The following GBE1 variants were observed in gnomAD, a reference collection of about 807,000 sequenced individuals.
The protein encoded by GBE1 is 1,4-alpha-glucan-branching enzyme.
Under a neutral mutation model 88.8 loss-of-function variants are expected in GBE1, and 70 were observed. The observed-to-expected ratio is 0.79, with a 90% CI of 0.65 to 0.96. The LOEUF (loss-of-function observed/expected upper bound fraction) is 0.96. GBE1 is among the 40% of genes least tolerant of loss of function. The pLI, the probability that GBE1 is intolerant of heterozygous loss-of-function variation, is 0.00. For missense variants in GBE1, 872 were observed against 871.0 expected (o/e 1.00, Z -0.01); for synonymous variants, 284 against 300.1 (o/e 0.95, Z 0.56).
At chr3:81,749,790 A>G (rs1382638718) in intron 1 of GBE1, among the ~76,000 whole-genome samples, 1 of 152,144 alleles carries the variant, frequency 6.6e-6, no homozygotes, top group East Asian at 1.9e-4. Flanking sequence ...ATTATTTCAG[A>G]ATGATTTTTT....
chr3:81,590,480 T>A (rs1257335006), intron 9 of GBE1, among the ~76,000 whole-genome samples: 1 of 152,080 alleles, frequency 6.6e-6, no homozygotes, highest in African/African-American at 2.4e-5. Context: ...GAATTGTCAA[T>A]TATGCATATA....
At chr3:81,559,958 C>T (rs980941681) in intron 12 of GBE1, among the ~76,000 whole-genome samples, 2 of 151,894 alleles carry the variant, frequency 1.3e-5, no homozygotes, top group Non-Finnish European at 2.9e-5. Context: ...AGTCCATACA[C>T]AAAGGATTTT....
chr3:81,603,785 C>T (rs539186761), intron 7 of GBE1, among the ~76,000 whole-genome samples: 1 of 152,166 alleles, frequency 6.6e-6, no homozygotes, highest in South Asian at 2.1e-4. Context: ...CATGAGCCAC[C>T]ATGCCCAGCC....
In GBE1 at chr3:81,670,925, G is replaced by A. The variant is rs13320194; in HGVS notation, c.342C>T (p.Tyr114=). 0.037 allele frequency: 58,397 copies of A among 1,565,734 alleles called. 2,783 individuals carry two copies. The highest frequency in any genetic ancestry group is 0.22 in the African/African-American group (16,009 of 72,234). ...CCCATTTTCCATAATCCAGTTTTTT[G>A]TATGGGTACGAAAATGGATTCCAAC... is the stretch of plus-strand genomic sequence containing the variant. ...FNGWNPFSYP[Y]KKLDYGKWEL... The change falls in exon 3 of 16, where the codon TAC becomes TAT. Residue 114 remains tyrosine (Y), a synonymous_variant. Transcript: ENST00000429644.
At position 81,616,368 on chromosome 3, in the gene GBE1, T is replaced by C. The variant is rs570869618; in HGVS notation, c.993-22345A>G. Reference sequence around the variant, plus strand: ...TTACGTGTTAATCTATAATCTATTTTAGTAAACTTTTGCATAAGGTAGAAA... The same window carrying C: ...TTACGTGTTAATCTATAATCTATTTCAGTAAACTTTTGCATAAGGTAGAAA... On this transcript the variant is annotated intron_variant, in intron 7 of 15. Transcript: ENST00000429644. Among the ~76,000 whole-genome samples, 182 of 152,304 alleles carry C rather than the reference T, an allele frequency of 1.2e-3. 3 individuals carry two copies. In the South Asian group the frequency reaches 0.016, roughly 14 times the overall value.
chr3:81,656,182 T>C (rs1253955418), intron 3 of GBE1, among the ~76,000 whole-genome samples: 2 of 152,176 alleles, frequency 1.3e-5, no homozygotes, highest in Non-Finnish European at 2.9e-5. Flanking sequence ...CTGTGAATGA[T>C]ACCTTCTGTG....
At chr3:81,540,085 T>C (rs921503783) in intron 12 of GBE1, among the ~76,000 whole-genome samples, 2 of 151,790 alleles carry the variant, frequency 1.3e-5, no homozygotes, top group Non-Finnish European at 2.9e-5. Flanking sequence ...GAAGAAAACA[T>C]AGAAGGCTAA....
At chr3:81,634,039 C>A (rs1362554280) in intron 7 of GBE1, among the ~76,000 whole-genome samples, 1 of 152,162 alleles carries the variant, frequency 6.6e-6, no homozygotes, top group African/African-American at 2.4e-5. Flanking sequence ...ACGAAAGCAA[C>A]TGACAATTGT....
chr3:81,698,259 T>TAC (rs1003653813), intron 2 of GBE1, among the ~76,000 whole-genome samples: 5 of 151,394 alleles, frequency 3.3e-5, no homozygotes, highest in African/African-American at 9.7e-5. Context: ...AGTAATAAAG[T>TAC]ACACACACAC....
intron 12 of GBE1, among the ~76,000 whole-genome samples, chr3:81,556,399 T>G (rs1335757261): frequency 6.6e-6 from 1 of 152,030 alleles, no homozygotes; most frequent in Non-Finnish European, 1.5e-5. Context: ...CAACAGTTAT[T>G]GGAGTCCCTC....
chr3:81,692,628 A>G (rs1705538133), intron 2 of GBE1, among the ~76,000 whole-genome samples: 2 of 152,234 alleles, frequency 1.3e-5, no homozygotes, highest in Admixed American at 1.3e-4. Context: ...AAATAGTTTC[A>G]GAAACTTTCT....
intron 14 of GBE1, among the ~76,000 whole-genome samples, chr3:81,510,333 G>A (rs1702707977): frequency 6.6e-6 from 1 of 152,006 alleles, no homozygotes; most frequent in South Asian, 2.1e-4. Flanking sequence ...TTTATTTGAA[G>A]TCTTAACTTA....
At chr3:81,565,457 T>G (rs1401657106) in intron 12 of GBE1, among the ~76,000 whole-genome samples, 1 of 152,152 alleles carries the variant, frequency 6.6e-6, no homozygotes, top group Non-Finnish European at 1.5e-5. Flanking sequence ...GATGGAAGAT[T>G]TGAAGTAAGA....
chr3:81,546,367 A>G (rs1559640796), intron 12 of GBE1, among the ~76,000 whole-genome samples: 1 of 152,078 alleles, frequency 6.6e-6, no homozygotes, highest in Admixed American at 6.6e-5. Context: ...ATTCCTCATA[A>G]CTGTACCAGG....
chr3:81,581,030 C>T, intron 11 of GBE1, 135 bp downstream of exon 11: 1 of 543,278 alleles, frequency 1.8e-6, no homozygotes, highest in Admixed American at 3.9e-5. Flanking sequence ...TTAATACACA[C>T]ACACACATAC....
At chr3:81,585,063 G>A (rs886832791) in intron 10 of GBE1, among the ~76,000 whole-genome samples, 2 of 152,074 alleles carry the variant, frequency 1.3e-5, no homozygotes, top group Non-Finnish European at 2.9e-5. Context: ...ACGTTCCCAT[G>A]TATTAAAGGA....
At chr3:81,583,481 A>G (rs923851890) in intron 10 of GBE1, among the ~76,000 whole-genome samples, 5 of 152,082 alleles carry the variant, frequency 3.3e-5, no homozygotes, top group African/African-American at 1.2e-4. Flanking sequence ...GATGTTTTTC[A>G]ATGGGTGAAT....
chr3:81,720,117 G>A (rs1350672227), intron 1 of GBE1, among the ~76,000 whole-genome samples: 1 of 152,024 alleles, frequency 6.6e-6, no homozygotes, highest in Non-Finnish European at 1.5e-5. Flanking sequence ...CAAACACTCT[G>A]ACAGTTCTTT....
At chr3:81,568,154 A>ATTT (rs796209679) in intron 12 of GBE1, among the ~76,000 whole-genome samples, 2 of 148,412 alleles carry the variant, frequency 1.3e-5, no homozygotes, top group African/African-American at 4.9e-5. Flanking sequence ...TGGATTCTCA[A>ATTT]TTTTTTTTTT....
Sources: gnomAD v4.1 joint callset for allele counts (sites outside exome capture counted in the v4.1 genomes callset) on GRCh38, gnomAD v4.1.1 for gene constraint, MANE v1.5 for transcripts, NCBI Gene and HGNC (gene_info 2026-07-23, HGNC 2026-07-21) for gene names.